Variants in SBF2 observed in about 807,000 individuals in gnomAD.
The protein encoded by SBF2 is myotubularin-related protein 13.
In SBF2, 112 loss-of-function variants were observed where a neutral mutation model predicts 225.2. The ratio of observed to expected loss-of-function variants is 0.50; its 90% CI spans 0.43 to 0.58. The LOEUF is 0.58. SBF2 is among the 20% of genes least tolerant of loss of function. SBF2 has a pLI of 0.00. For missense variants in SBF2, 1,996 were observed against 2,206.2 expected (o/e 0.90, Z 1.91); for synonymous variants, 763 against 773.3 (o/e 0.99, Z 0.22).
intron 2 of SBF2, among the ~76,000 whole-genome samples, chr11:10,063,272 CAT>C (rs1240725161): frequency 9.9e-5 from 15 of 151,660 alleles, no homozygotes; most frequent in Non-Finnish European, 2.2e-4. Context: ...ACCCCCGACA[CAT>C]GTTTATCTAT....
chr11:10,260,029 T>C (rs1961274468), intron 1 of SBF2, among the ~76,000 whole-genome samples: 1 of 152,194 alleles, frequency 6.6e-6, no homozygotes, highest in South Asian at 2.1e-4. Flanking sequence ...CTAGGAACAA[T>C]TTATACTTAA....
At chr11:9,908,699 T>TTGTTGC (rs147535995) in intron 16 of SBF2, among the ~76,000 whole-genome samples, 27 of 151,404 alleles carry the variant, frequency 1.8e-4, no homozygotes, top group Non-Finnish European at 3.5e-4. Context: ...GTTGTTGCTG[T>TTGTTGC]TGTTGTTGTT....
intron 1 of SBF2, among the ~76,000 whole-genome samples, chr11:10,266,646 C>T (rs1023605726): frequency 2.0e-5 from 3 of 152,184 alleles, no homozygotes; most frequent in Non-Finnish European, 2.9e-5. Context: ...GAGATGTCTA[C>T]ACTTGATTAG....
chr11:10,069,860 T>C (rs551427639), intron 2 of SBF2, among the ~76,000 whole-genome samples: 4 of 152,196 alleles, frequency 2.6e-5, no homozygotes, highest in Admixed American at 6.5e-5. Flanking sequence ...TTCTAACTGG[T>C]GTGAGATGGT....
At chr11:9,786,613 G>C (rs1371433683) in intron 36 of SBF2, among the ~76,000 whole-genome samples, 1 of 152,084 alleles carries the variant, frequency 6.6e-6, no homozygotes, top group Non-Finnish European at 1.5e-5. Context: ...CTGTTCTTCA[G>C]AACACTCATC....
chr11:10,156,708 C>T (rs1236682875), intron 2 of SBF2, among the ~76,000 whole-genome samples: 1 of 152,098 alleles, frequency 6.6e-6, no homozygotes, highest in Non-Finnish European at 1.5e-5. Context: ...ATACAGCTAA[C>T]CAGAGAGGTA....
chr11:10,041,310 C>G (rs748288017), intron 3 of SBF2, among the ~76,000 whole-genome samples: 19 of 152,094 alleles, frequency 1.2e-4, no homozygotes, highest in Non-Finnish European at 2.5e-4. Flanking sequence ...TATATCCAAA[C>G]ATTATCCAGG....
At chr11:10,220,703 G>A (rs78821193) in intron 1 of SBF2, among the ~76,000 whole-genome samples, 1 of 152,112 alleles carries the variant, frequency 6.6e-6, no homozygotes, top group Non-Finnish European at 1.5e-5. Context: ...CTTGACATGA[G>A]ATTCAAGGCC....
intron 2 of SBF2, among the ~76,000 whole-genome samples, chr11:10,184,029 G>A (rs1956835431): frequency 6.6e-6 from 1 of 152,162 alleles, no homozygotes; most frequent in Non-Finnish European, 1.5e-5. Context: ...TATTTGAGGT[G>A]ATGGATACAC....
chr11:9,805,546 T>C (rs1390883826), intron 32 of SBF2, among the ~76,000 whole-genome samples: 4 of 152,190 alleles, frequency 2.6e-5, no homozygotes, highest in African/African-American at 9.6e-5. Flanking sequence ...CTTTGAAGAC[T>C]TTTGTGGAGG....
At chr11:9,800,007 A>G (rs2645017) in intron 32 of SBF2, among the ~76,000 whole-genome samples, 132,799 of 152,206 alleles carry the variant, frequency 0.87, 58,151 homozygotes, top group Non-Finnish European at 0.89. Flanking sequence ...AGAGGCTGAG[A>G]TGGGTGGATC....
intron 2 of SBF2, among the ~76,000 whole-genome samples, chr11:10,182,923 C>A (rs1166201273): frequency 6.6e-6 from 1 of 151,986 alleles, no homozygotes; most frequent in Non-Finnish European, 1.5e-5. Flanking sequence ...ATAGCACGCG[C>A]CACCACGCCC....
At chr11:9,964,331 C>T (rs1866765609) in intron 14 of SBF2, among the ~76,000 whole-genome samples, 1 of 152,144 alleles carries the variant, frequency 6.6e-6, no homozygotes, top group African/African-American at 2.4e-5. Context: ...TATTCCATAT[C>T]ATTATTTTGA....
At chr11:9,816,777 C>A (rs183167834) in intron 29 of SBF2, 63 bp downstream of exon 29, 30 of 1,525,392 alleles carry the variant, frequency 2.0e-5, no homozygotes, top group Non-Finnish European at 2.4e-5. Flanking sequence ...GTTTGTGATA[C>A]AGGTTTTATC....
At chr11:10,063,688 TA>T (rs1021358787) in intron 2 of SBF2, among the ~76,000 whole-genome samples, 3 of 151,602 alleles carry the variant, frequency 2.0e-5, no homozygotes, top group African/African-American at 4.9e-5. Context: ...AATTATAATA[TA>T]AAAAAACTCA....
chr11:10,250,380 C>T (rs1186442912), intron 1 of SBF2, among the ~76,000 whole-genome samples: 1 of 152,178 alleles, frequency 6.6e-6, no homozygotes, highest in East Asian at 1.9e-4. Context: ...AGGACAGCTG[C>T]CTTGTCCTTC....
At chr11:10,295,023 T>G (rs994270543), upstream of SBF2, among the ~76,000 whole-genome samples, 2 of 152,268 alleles carry the variant, frequency 1.3e-5, no homozygotes, top group Non-Finnish European at 2.9e-5. Flanking sequence ...GCTTTTTTGT[T>G]GAACCTCCTA....
chr11:9,822,312 G>C (rs776461953), intron 28 of SBF2, among the ~76,000 whole-genome samples: 1 of 147,782 alleles, frequency 6.8e-6, no homozygotes, highest in African/African-American at 2.5e-5. Flanking sequence ...CCAGGCTGGA[G>C]TGCAGTGGCG....
At chr11:10,107,414 T>C (rs1326067437) in intron 2 of SBF2, among the ~76,000 whole-genome samples, 1 of 152,212 alleles carries the variant, frequency 6.6e-6, no homozygotes, top group Non-Finnish European at 1.5e-5. Flanking sequence ...TAAAAAAGAA[T>C]ATTGTATGAC....
Sources: allele counts gnomAD v4.1 joint callset (sites outside exome capture counted in the v4.1 genomes callset), GRCh38; gene constraint gnomAD v4.1.1; transcripts MANE v1.5; gene names NCBI Gene and HGNC (gene_info 2026-07-23, HGNC 2026-07-21).